CLIP2: variants seen among roughly 807,000 people sequenced by gnomAD.
CLIP2 encodes CAP-Gly domain-containing linker protein 2.
Under a neutral mutation model 111.7 loss-of-function variants are expected in CLIP2, and 41 were observed. That is an observed-to-expected ratio of 0.37 (90% CI 0.29 to 0.48). CLIP2 has a LOEUF of 0.48. Ranked by LOEUF, CLIP2 falls within the 20% of genes least tolerant of loss-of-function variation. The pLI is 0.99. For synonymous variants in CLIP2, 660 were observed against 644.2 expected (o/e 1.02, Z -0.37); for missense variants, 1,160 against 1,422.1 (o/e 0.82, Z 2.96).
chr7:74,293,238 T>C (rs1788076342), intron 1 of CLIP2, among the ~76,000 whole-genome samples: 1 of 152,166 alleles, frequency 6.6e-6, no homozygotes, highest in Admixed American at 6.5e-5. Flanking sequence ...ACAGAGAACT[T>C]GTGCAGCAAA....
chr7:74,298,907 C>T (rs1276807833), intron 1 of CLIP2, among the ~76,000 whole-genome samples: 2 of 152,128 alleles, frequency 1.3e-5, no homozygotes, highest in Non-Finnish European at 2.9e-5. Flanking sequence ...ATTCTAGGAA[C>T]CCGGCATGGC....
chr7:74,377,263 A>C (rs1554313168), intron 10 of CLIP2, among the ~76,000 whole-genome samples: 1 of 152,176 alleles, frequency 6.6e-6, no homozygotes, highest in African/African-American at 2.4e-5. Context: ...TCACCTGGGG[A>C]ATCAGCGGCA....
intron 4 of CLIP2, among the ~76,000 whole-genome samples, chr7:74,355,276 G>A (rs1554308276): frequency 1.3e-5 from 2 of 152,110 alleles, no homozygotes; most frequent in East Asian, 1.9e-4. Flanking sequence ...ACCTGGAGGT[G>A]GGAAAAGGCA....
intron 1 of CLIP2, among the ~76,000 whole-genome samples, chr7:74,310,052 A>AGTTC (rs1554728282): frequency 4.5e-4 from 11 of 24,218 alleles, no homozygotes; most frequent in South Asian, 1.8e-3. Flanking sequence ...AAAAAAAAAA[A>AGTTC]AAAAAAAAAA....
Position 74,338,521 on chromosome 7 carries a change from C to T in CLIP2, c.195C>T (p.Gly65=). Residue 65 remains glycine, a synonymous_variant, in exon 3 of 17, where the codon GGC becomes GGT. Transcript: ENST00000223398. This position sits in a 1 kb window ranked among gnomAD's most constrained non-coding sequence, Gnocchi z 4.3. ...PAAAAAPEKP[G]PKAAEVGDDF... Reference sequence around the variant, plus strand: ...CAGCTGCTGCCCCCGAGAAGCCGGGCCCCAAGGCGGCGGAAGTGGGGGATG... The same window carrying T: ...CAGCTGCTGCCCCCGAGAAGCCGGGTCCCAAGGCGGCGGAAGTGGGGGATG... The T allele has an allele frequency of 1.9e-6, 3 of 1,608,756 alleles. No individual in the cohort carries two copies. The highest frequency in any genetic ancestry group is 2.5e-6 in the Non-Finnish European group (3 of 1,178,230).
intron 11 of CLIP2, among the ~76,000 whole-genome samples, chr7:74,385,509 T>A (rs1584382521): frequency 6.6e-6 from 1 of 151,462 alleles, no homozygotes. Flanking sequence ...GTATTTTTAG[T>A]GGTATTACAT....
At chr7:74,390,162 G>GAAAA (rs1215571636) in intron 13 of CLIP2, among the ~76,000 whole-genome samples, 2 of 84,918 alleles carry the variant, frequency 2.4e-5, no homozygotes, top group Admixed American at 1.3e-4. Flanking sequence ...AAGAAAGAAA[G>GAAAA]AAGAAAGAAA....
At position 74,376,544 on chromosome 7, in the gene CLIP2, C is replaced by G. The variant is rs782783752; in HGVS notation, c.2143C>G (p.Arg715Gly). 6.2e-7 allele frequency: 1 copy of G among 1,604,676 alleles called. No homozygotes were observed. The highest frequency in any genetic ancestry group is 1.7e-5 in the Admixed American group (1 of 57,314). Residue 715 changes from arginine (R) to glycine (G), a missense_variant, in exon 10 of 17, where the codon CGG (arginine) becomes GGG (glycine). Around this residue, in one of 5 missense-constraint regions of CLIP2, gnomAD observed 676 missense variants for 777.8 expected, o/e 0.87. Coordinates refer to ENST00000223398, the MANE Select transcript of CLIP2 (RefSeq NM_003388.5). This position sits in a 1 kb window ranked among gnomAD's most constrained non-coding sequence, Gnocchi z 7.1. ...AQLEVQASQHRLELQEAQDQR... is the reference protein window; with the variant it reads ...AQLEVQASQHGLELQEAQDQR... ...GCTGGAGGTGCAAGCCAGCCAGCAC[C>G]GGCTGGAGCTGCAGGAGGCCCAGGA...
At chr7:74,303,769 A>G (rs1460982443) in intron 1 of CLIP2, among the ~76,000 whole-genome samples, 1 of 151,144 alleles carries the variant, frequency 6.6e-6, no homozygotes, top group Non-Finnish European at 1.5e-5. Flanking sequence ...AAAATTAGCC[A>G]GTTGTGGTGG....
intron 15 of CLIP2, 39 bp from the exon 16 acceptor site, chr7:74,401,466 C>T (rs1554317621): frequency 5.6e-6 from 9 of 1,606,044 alleles, no homozygotes; most frequent in Middle Eastern, 1.7e-4. Flanking sequence ...GAACTGCTGC[C>T]TGGTGCACCT....
chr7:74,360,206 G>A lies in CLIP2; in HGVS notation c.1247G>A (p.Arg416Gln), dbSNP rs374448871. The A allele has an allele frequency of 2.7e-5, 43 of 1,607,544 alleles. No homozygotes were observed. Among genetic ancestry groups the A allele is most frequent in the South Asian group, 8.9e-5 (8 of 89,578 alleles). The change falls in exon 7 of 17, where the codon CGA becomes CAA. Residue 416 changes from arginine (R) to glutamine (Q), a missense_variant. By Grantham distance (43) the Arg-to-Gln change is conservative. Transcript: ENST00000223398. ...YVAEAEEKLQ[R>Q]ARLLVESVRK... Reference sequence around the variant, plus strand: ...GCAGAAGCCGAGGAGAAGCTGCAGCGAGCCCGGCTGCTCGTGGAGAGCGTG... The same window carrying A: ...GCAGAAGCCGAGGAGAAGCTGCAGCAAGCCCGGCTGCTCGTGGAGAGCGTG...
chr7:74,400,613 GC>G, intron 15 of CLIP2, 58 bp downstream of exon 15: 2 of 1,447,182 alleles, frequency 1.4e-6, no homozygotes, highest in Non-Finnish European at 1.8e-6. Context: ...TGTCCTCGGA[GC>G]CCCCGTCTGA....
chr7:74,354,303 G>C lies in CLIP2; in HGVS notation c.803+299G>C, dbSNP rs564820664. ...TTCTTTGTGTCACTCATGTCTAAGTGGGGTGGGAGCCCTCAAAAAGGAGAG... is the reference window on the plus strand; with the variant it reads ...TTCTTTGTGTCACTCATGTCTAAGTCGGGTGGGAGCCCTCAAAAAGGAGAG... On this transcript the variant is annotated intron_variant, in intron 4 of 16. Transcript: ENST00000223398. Among the ~76,000 whole-genome samples, 5 of 152,178 alleles carry C rather than the reference G, an allele frequency of 3.3e-5. No homozygotes were observed. The East Asian group carries it at 7.7e-4, about 24-fold the overall frequency.
Position 74,333,407 on chromosome 7 carries a change from C to G in CLIP2, c.122-5041C>G, listed in dbSNP as rs192686273. 1.1e-3 allele frequency among the ~76,000 whole-genome samples: 174 copies of G among 152,186 alleles called. 1 individual carries two copies. The highest frequency in any genetic ancestry group is 4.0e-3 in the African/African-American group (167 of 41,518). On this transcript the variant is annotated intron_variant, in intron 2 of 16. Coordinates refer to ENST00000223398, the MANE Select transcript of CLIP2 (RefSeq NM_003388.5). ...CCATGTTGGCCAGGCTGGTCTCAAA[C>G]TCCTGACCTCAGGTGATCCACCCAC... is the stretch of plus-strand genomic sequence containing the variant.
At chr7:74,301,932 C>T (rs1333588440) in intron 1 of CLIP2, among the ~76,000 whole-genome samples, 3 of 151,934 alleles carry the variant, frequency 2.0e-5, no homozygotes, top group Non-Finnish European at 2.9e-5. Flanking sequence ...AGGCTGGTCT[C>T]GAACTGCTGG....
chr7:74,400,426 G>A lies in CLIP2; in HGVS notation c.2937G>A (p.Ser979=), dbSNP rs147093331. 7 of 1,614,006 alleles carry A rather than the reference G, an allele frequency of 4.3e-6. No individual in the cohort carries two copies. Among genetic ancestry groups the A allele is most frequent in the Admixed American group, 1.7e-5 (1 of 59,992 alleles). Residue 979 remains serine, a synonymous_variant, in exon 15 of 17, where the codon TCG becomes TCA. Transcript: ENST00000223398. ...QRRYSLIDRS[S]APELLRLQHQ... ...GCTACTCCCTCATCGACCGGTCCTC[G>A]GCGCCCGAGCTTCTGCGGCTGCAGC...
intron 1 of CLIP2, among the ~76,000 whole-genome samples, chr7:74,304,139 C>T (rs1788412582): frequency 1.3e-5 from 2 of 151,808 alleles, no homozygotes; most frequent in South Asian, 2.1e-4. Flanking sequence ...GTCTCGAACT[C>T]CTGGCCTCAA....
At chr7:74,337,966 T>C (rs1209793660) in intron 2 of CLIP2, among the ~76,000 whole-genome samples, 1 of 152,086 alleles carries the variant, frequency 6.6e-6, no homozygotes, top group African/African-American at 2.4e-5. Context: ...GGGGGAGACC[T>C]GAGGAGGACC....
rs782051703 is a variant in CLIP2, at chr7:74,376,092, G to A, written c.1691G>A (p.Arg564Gln). The change falls in exon 10 of 17, where the codon CGG becomes CAG. Residue 564 changes from arginine to glutamine, a missense_variant. Around this residue, in one of 5 missense-constraint regions of CLIP2, gnomAD observed 676 missense variants for 777.8 expected, o/e 0.87. Coordinates refer to ENST00000223398, the MANE Select transcript of CLIP2 (RefSeq NM_003388.5). This position sits in a 1 kb window ranked among gnomAD's most constrained non-coding sequence, Gnocchi z 7.1. ...CACCAGAGGGAGAGTGGGGTGCTGCGGGATAAATACGAGAAGGCCCTGAAG... is the reference window on the plus strand; with the variant it reads ...CACCAGAGGGAGAGTGGGGTGCTGCAGGATAAATACGAGAAGGCCCTGAAG... ...KEHQRESGVL[R>Q]DKYEKALKAY... 8 of 1,612,026 alleles carry A rather than the reference G, an allele frequency of 5.0e-6. No homozygotes were observed. The highest frequency in any genetic ancestry group is 3.3e-5 in the South Asian group (3 of 90,896).
Sources: allele counts gnomAD v4.1 joint callset (sites outside exome capture counted in the v4.1 genomes callset), GRCh38; gene constraint gnomAD v4.1.1; regional missense constraint gnomAD v4.1.1; non-coding constraint Gnocchi (gnomAD v3.1); transcripts MANE v1.5; gene names NCBI Gene and HGNC (gene_info 2026-07-23, HGNC 2026-07-21).